Variants in CENPW observed in about 807,000 individuals in gnomAD.
CENPW encodes the protein centromere protein W.
CENPW carries 3 observed loss-of-function variants against 11.1 expected under a neutral mutation model. The ratio of observed to expected loss-of-function variants is 0.27; its 90% CI spans 0.12 to 0.70. The LOEUF (loss-of-function observed/expected upper bound fraction) is 0.70. Ranked by LOEUF, CENPW falls within the 30% of genes least tolerant of loss-of-function variation. The pLI, the probability that CENPW is intolerant of heterozygous loss-of-function variation, is 0.77. For synonymous variants in CENPW, 38 were observed against 42.0 expected (o/e 0.91, Z 0.37); for missense variants, 100 against 105.6 (o/e 0.95, Z 0.23).
At chr6:126,340,432 G>T (rs1780280307) in intron 1 of CENPW, 33 bp downstream of exon 1, 2 of 1,613,942 alleles carry the variant, frequency 1.2e-6, no homozygotes, top group Non-Finnish European at 1.7e-6. Context: ...GCTGGGAATG[G>T]GGCACGGGAG....
the CENPW span, among the ~76,000 whole-genome samples, chr6:126,372,722 C>T: frequency 6.6e-6 from 1 of 152,070 alleles, no homozygotes; most frequent in African/African-American, 2.4e-5. Flanking sequence ...AACAAGCCTC[C>T]AGTGATTCAG....
At chr6:126,379,007 TTTGGGTA>T in the CENPW span, among the ~76,000 whole-genome samples, 1 of 152,206 alleles carries the variant, frequency 6.6e-6, no homozygotes, top group African/African-American at 2.4e-5. Flanking sequence ...TCAACATATT[TTTGGGTA>T]GATAATTGGC....
At chr6:126,480,880 AT>A in the CENPW span, among the ~76,000 whole-genome samples, 1 of 152,066 alleles carries the variant, frequency 6.6e-6, no homozygotes, top group Non-Finnish European at 1.5e-5. Context: ...AACATTCAAT[AT>A]GTTATATTTT....
chr6:126,350,233 G>A (rs1179940535), downstream of CENPW, among the ~76,000 whole-genome samples: 1 of 152,108 alleles, frequency 6.6e-6, no homozygotes, highest in Non-Finnish European at 1.5e-5. Context: ...GATGGCTAAT[G>A]TCTTAGTTTA....
chr6:126,449,966 A>T, the CENPW span, among the ~76,000 whole-genome samples: 5 of 151,010 alleles, frequency 3.3e-5, no homozygotes, highest in African/African-American at 1.2e-4. Flanking sequence ...CTTCCCAAGC[A>T]CATTGTATTT....
chr6:126,391,747 T>C, the CENPW span, among the ~76,000 whole-genome samples: 1 of 152,016 alleles, frequency 6.6e-6, no homozygotes, highest in Non-Finnish European at 1.5e-5. Context: ...CCAGTGTATG[T>C]TTTTGGCACC....
chr6:126,409,397 T>G, the CENPW span, among the ~76,000 whole-genome samples: 69,277 of 151,674 alleles, frequency 0.46, 17,511 homozygotes, highest in East Asian at 0.97. Flanking sequence ...TGTGAATTCT[T>G]CAGCTGTTGG....
the CENPW span, among the ~76,000 whole-genome samples, chr6:126,433,498 A>G: frequency 6.6e-6 from 1 of 152,194 alleles, no homozygotes; most frequent in Non-Finnish European, 1.5e-5. Flanking sequence ...CTGTTGGTAT[A>G]GTATGTCAGA....
the CENPW span, among the ~76,000 whole-genome samples, chr6:126,451,414 C>T: frequency 6.6e-6 from 1 of 150,964 alleles, no homozygotes; most frequent in Admixed American, 6.6e-5. Context: ...CATCCTGAAA[C>T]CTGGATTTGG....
chr6:126,440,186 G>T, the CENPW span, among the ~76,000 whole-genome samples: 6 of 151,602 alleles, frequency 4.0e-5, no homozygotes, highest in Non-Finnish European at 8.9e-5. Context: ...TAAAGAAGGG[G>T]ATTCATTCAT....
At chr6:126,342,591 C>T (rs1372064724) in intron 1 of CENPW, among the ~76,000 whole-genome samples, 2 of 152,080 alleles carry the variant, frequency 1.3e-5, no homozygotes, top group African/African-American at 4.8e-5. Context: ...AAGATGTCTT[C>T]ACTCTACTTG....
At chr6:126,408,237 A>C in the CENPW span, among the ~76,000 whole-genome samples, 1 of 152,146 alleles carries the variant, frequency 6.6e-6, no homozygotes, top group Non-Finnish European at 1.5e-5. Flanking sequence ...ACTAAAGAAA[A>C]CATACTCAAG....
chr6:126,368,506 G>A, the CENPW span, among the ~76,000 whole-genome samples: 1 of 146,852 alleles, frequency 6.8e-6, no homozygotes, highest in East Asian at 2.2e-4. Context: ...TAGTTGTTTG[G>A]ATACTGTATT....
At chr6:126,391,140 G>T in the CENPW span, among the ~76,000 whole-genome samples, 1 of 151,816 alleles carries the variant, frequency 6.6e-6, no homozygotes, top group Non-Finnish European at 1.5e-5. Flanking sequence ...ATTTGTCATT[G>T]CCTGTCTTTT....
At chr6:126,342,360 C>T (rs1168084459) in intron 1 of CENPW, among the ~76,000 whole-genome samples, 1 of 152,128 alleles carries the variant, frequency 6.6e-6, no homozygotes, top group Non-Finnish European at 1.5e-5. Context: ...TTGATCTGCT[C>T]TTTTTTCTGA....
chr6:126,408,816 T>C, the CENPW span, among the ~76,000 whole-genome samples: 2 of 152,122 alleles, frequency 1.3e-5, no homozygotes, highest in African/African-American at 4.8e-5. Context: ...GTGGTATCAA[T>C]TATAATTTTT....
At chr6:126,424,560 C>A in the CENPW span, among the ~76,000 whole-genome samples, 2 of 152,206 alleles carry the variant, frequency 1.3e-5, no homozygotes, top group East Asian at 3.9e-4. Context: ...TTAGTTCTCC[C>A]CTTTGTGGCA....
chr6:126,413,395 C>A, the CENPW span, among the ~76,000 whole-genome samples: 1 of 152,028 alleles, frequency 6.6e-6, no homozygotes, highest in South Asian at 2.1e-4. Context: ...GATTTCTCTG[C>A]AAACACCTTA....
the CENPW span, among the ~76,000 whole-genome samples, chr6:126,460,679 C>T: frequency 6.6e-6 from 1 of 151,710 alleles, no homozygotes; most frequent in African/African-American, 2.4e-5. Context: ...AGAGCTATTG[C>T]AATGGGGGAA....
Sources: allele counts gnomAD v4.1 joint callset (sites outside exome capture counted in the v4.1 genomes callset), GRCh38; gene constraint gnomAD v4.1.1; transcripts MANE v1.5; gene names NCBI Gene and HGNC (gene_info 2026-07-23, HGNC 2026-07-21).